SHANK2: variants seen among roughly 807,000 people sequenced by gnomAD.
SHANK2 encodes SH3 and multiple ankyrin repeat domains 2.
In SHANK2, 43 loss-of-function variants were observed where a neutral mutation model predicts 133.7. That is an observed-to-expected ratio of 0.32 (90% CI 0.25 to 0.41). SHANK2 has a LOEUF of 0.41. SHANK2 is among the 10% of genes least tolerant of loss of function. The pLI is 1.00. For synonymous variants in SHANK2, 1,017 were observed against 952.8 expected (o/e 1.07, Z -1.24); for missense variants, 1,994 against 2,235.8 (o/e 0.89, Z 2.18).
At chr11:71,208,284 G>A (rs1309124468) in intron 2 of SHANK2, among the ~76,000 whole-genome samples, 1 of 152,050 alleles carries the variant, frequency 6.6e-6, no homozygotes, top group African/African-American at 2.4e-5. Flanking sequence ...CTGGGAAGGA[G>A]GGCAGCCCCA....
chr11:70,895,219 G>A (rs1236930798), intron 11 of SHANK2, among the ~76,000 whole-genome samples: 1 of 152,216 alleles, frequency 6.6e-6, no homozygotes, highest in Non-Finnish European at 1.5e-5. Flanking sequence ...CCAAGGCGGG[G>A]TAGGTACCGG....
At chr11:70,730,581 G>A (rs1360100117) in intron 14 of SHANK2, among the ~76,000 whole-genome samples, 1 of 152,146 alleles carries the variant, frequency 6.6e-6, no homozygotes, top group African/African-American at 2.4e-5. Context: ...GCTGCCTGAT[G>A]AGCTGATGTC....
At position 70,471,044 on chromosome 11, in the gene SHANK2, G is replaced by T. The variant is rs367583974; in HGVS notation, c.*1825C>A. 1 of 368,046 alleles carries T rather than the reference G, an allele frequency of 2.7e-6. No homozygotes were observed. The allele number at this position is 368,046 out of a possible 1,614,324, so 22.8% of individuals were successfully genotyped here. On this transcript the variant is annotated 3_prime_UTR_variant, in exon 26 of 26. Transcript: ENST00000601538. This position sits in a 1 kb window ranked among gnomAD's most constrained non-coding sequence, Gnocchi z 4.1. The stretch of plus-strand genomic sequence containing the variant: ...GTCATACTTTTATAATTATTCCACA[G>T]AAATAGTATTATTAAATCACAAAAG...
Position 71,086,989 on chromosome 11 carries a change from G to A in SHANK2, c.912+5433C>T, listed in dbSNP as rs1053083068. On this transcript the variant is annotated intron_variant, in intron 8 of 25. Transcript: ENST00000601538. Reference sequence around the variant, plus strand: ...AGCAGACCACCAGAGGGCAGTGAACGCACCTGGCTGGCTTTCCAAACCCTG... The same window carrying A: ...AGCAGACCACCAGAGGGCAGTGAACACACCTGGCTGGCTTTCCAAACCCTG... Among the ~76,000 whole-genome samples the A allele has an allele frequency of 5.3e-5, 8 of 152,324 alleles. No individual in the cohort carries two copies. The East Asian group carries it at 9.6e-4, about 18-fold the overall frequency.
chr11:71,160,396 G>C (rs1952990160), intron 2 of SHANK2, among the ~76,000 whole-genome samples: 1 of 152,152 alleles, frequency 6.6e-6, no homozygotes, highest in South Asian at 2.1e-4. Flanking sequence ...CAGGTTATGA[G>C]AATACAAGGG....
intron 17 of SHANK2, among the ~76,000 whole-genome samples, chr11:70,585,388 G>C (rs1272259583): frequency 6.6e-6 from 1 of 152,186 alleles, no homozygotes; most frequent in African/African-American, 2.4e-5. Context: ...GGGAGGAATG[G>C]GGAAGCAGCC....
intron 14 of SHANK2, among the ~76,000 whole-genome samples, chr11:70,704,028 C>T (rs1031718083): frequency 6.6e-6 from 1 of 152,226 alleles, no homozygotes; most frequent in Non-Finnish European, 1.5e-5. Context: ...GACAATGCCG[C>T]CCTACTCCTG....
chr11:70,776,540 T>C (rs1396333842), intron 14 of SHANK2, among the ~76,000 whole-genome samples: 1 of 152,150 alleles, frequency 6.6e-6, no homozygotes, highest in Non-Finnish European at 1.5e-5. Flanking sequence ...ACAAACTCTA[T>C]GGTTTTAAAG....
intron 10 of SHANK2, among the ~76,000 whole-genome samples, chr11:70,923,019 A>G (rs1013623889): frequency 1.3e-5 from 2 of 152,242 alleles, no homozygotes; most frequent in Non-Finnish European, 2.9e-5. Flanking sequence ...CTATTATATT[A>G]CTATAAATCT....
intron 14 of SHANK2, among the ~76,000 whole-genome samples, chr11:70,716,895 G>GCCCCCCCCCCCCCCCCCCCGGGC (rs60827522): frequency 7.2e-6 from 1 of 138,392 alleles, no homozygotes; most frequent in Non-Finnish European, 1.5e-5. Flanking sequence ...GGGTCCCGGA[G>GCCCCCCCCCCCCCCCCCCCGGGC]CCCCCCCCCC....
intron 9 of SHANK2, among the ~76,000 whole-genome samples, chr11:71,074,808 C>T (rs925708147): frequency 9.7e-5 from 12 of 123,232 alleles, no homozygotes; most frequent in Non-Finnish European, 1.6e-4. Context: ...GAGACGGAGT[C>T]TCGCTCTGTA....
At chr11:70,478,334 A>G (rs928573818) in intron 25 of SHANK2, among the ~76,000 whole-genome samples, 2 of 152,142 alleles carry the variant, frequency 1.3e-5, no homozygotes, top group African/African-American at 4.8e-5. Context: ...AGTGATGCTG[A>G]TTAGGCATGC....
intron 17 of SHANK2, among the ~76,000 whole-genome samples, chr11:70,632,319 G>T (rs2061003660): frequency 6.6e-6 from 1 of 152,008 alleles, no homozygotes; most frequent in African/African-American, 2.4e-5. Flanking sequence ...TAGAGACGGG[G>T]TTTTACCGTG....
intron 17 of SHANK2, among the ~76,000 whole-genome samples, chr11:70,637,679 G>T (rs187454398): frequency 4.3e-4 from 66 of 152,344 alleles, no homozygotes; most frequent in Admixed American, 2.5e-3. Context: ...TGGCGCCCTG[G>T]CGAGGGGAGA....
At chr11:70,517,148 A>G (rs1416977670) in intron 17 of SHANK2, among the ~76,000 whole-genome samples, 1 of 152,252 alleles carries the variant, frequency 6.6e-6, no homozygotes, top group Non-Finnish European at 1.5e-5. Flanking sequence ...TGGAATTAGC[A>G]AATCAAGCCA....
intron 17 of SHANK2, among the ~76,000 whole-genome samples, chr11:70,505,325 G>C (rs1554968152): frequency 6.6e-6 from 1 of 152,192 alleles, no homozygotes; most frequent in South Asian, 2.1e-4. Flanking sequence ...CCGAGCAGCT[G>C]TGAGTATGAG....
At chr11:70,678,532 C>CTTTTT (rs34446408) in intron 15 of SHANK2, among the ~76,000 whole-genome samples, 1,393 of 77,050 alleles carry the variant, frequency 0.018, 159 homozygotes, top group African/African-American at 0.064. Context: ...TAAGAACAGG[C>CTTTTT]TTTTTTTTTT....
intron 17 of SHANK2, among the ~76,000 whole-genome samples, chr11:70,599,899 AAGAAAGAG>A (rs1565166182): frequency 0.012 from 1,082 of 92,508 alleles, 27 homozygotes; most frequent in African/African-American, 0.044. Flanking sequence ...AAAAGAAAGA[AAGAAAGAG>A]AAAGAAAGAA....
rs368407793 is a variant in SHANK2, at chr11:70,503,967, G to A, written c.2062-1036C>T. Among the ~76,000 whole-genome samples, 223 of 152,314 alleles carry A rather than the reference G, an allele frequency of 1.5e-3. 1 individual carries two copies. The highest frequency in any genetic ancestry group is 5.2e-3 in the African/African-American group (217 of 41,584). ...GCCTCACCCCTGCCCATGGAACTGAGCTCCACAGGGGGCCTCTGGCACCTT... is the reference window on the plus strand; with the variant it reads ...GCCTCACCCCTGCCCATGGAACTGAACTCCACAGGGGGCCTCTGGCACCTT... On this transcript the variant is annotated intron_variant, in intron 17 of 25. Coordinates refer to ENST00000601538, the MANE Select transcript of SHANK2 (RefSeq NM_012309.5).
Sources: allele counts gnomAD v4.1 joint callset (sites outside exome capture counted in the v4.1 genomes callset), GRCh38; gene constraint gnomAD v4.1.1; non-coding constraint Gnocchi (gnomAD v3.1); transcripts MANE v1.5; gene names NCBI Gene and HGNC (gene_info 2026-07-23, HGNC 2026-07-21).